Variants in PIAS4 observed in about 807,000 individuals in gnomAD.
PIAS4 encodes E3 SUMO-protein ligase PIAS4.
In PIAS4, 7 loss-of-function variants were observed where a neutral mutation model predicts 58.0. That is an observed-to-expected ratio of 0.12 (90% CI 0.07 to 0.23). The LOEUF is 0.23. Among genes scored for constraint, PIAS4 ranks in the 10% least tolerant of loss-of-function variants. The pLI is 1.00. For missense variants in PIAS4, 550 were observed against 709.5 expected, an observed-to-expected ratio of 0.78 and a Z score of 2.55; for synonymous variants, 364 against 312.4, an observed-to-expected ratio of 1.17 and a Z score of -1.74.
Position 4,021,374 on chromosome 19 carries a change from T to C in PIAS4, c.455-2662T>C, listed in dbSNP as rs111739855. Among the ~76,000 whole-genome samples, 622 of 152,222 alleles carry C rather than the reference T, an allele frequency of 4.1e-3. 6 individuals are homozygous for C. The highest frequency in any genetic ancestry group is 0.016 in the East Asian group (82 of 5,168). On this transcript the variant is annotated intron_variant, in intron 2 of 10. Transcript: ENST00000262971. ...ATTGTCCAGGCTGGTCTTGAACTCC[T>C]GACCTCAAGTGATCCACCTGCCTCG...
chr19:4,015,122 C>T (rs1475113272), intron 2 of PIAS4, among the ~76,000 whole-genome samples: 1 of 152,202 alleles, frequency 6.6e-6, no homozygotes, highest in African/African-American at 2.4e-5. Flanking sequence ...GCCTGAGTTC[C>T]ATCGGACTGA....
intron 1 of PIAS4, among the ~76,000 whole-genome samples, chr19:4,009,517 C>T (rs924541302): frequency 6.6e-6 from 1 of 152,062 alleles, no homozygotes; most frequent in Non-Finnish European, 1.5e-5. Flanking sequence ...ACCATCCAGG[C>T]CTTGAAATAT....
intron 7 of PIAS4, among the ~76,000 whole-genome samples, chr19:4,032,124 C>A (rs533490934): frequency 4.0e-5 from 6 of 151,760 alleles, no homozygotes; most frequent in African/African-American, 1.5e-4. Context: ...GGCTCCCAAG[C>A]GGGCAGAGAT....
At chr19:4,026,128 T>C (rs1468606324) in intron 3 of PIAS4, among the ~76,000 whole-genome samples, 1 of 148,996 alleles carries the variant, frequency 6.7e-6, no homozygotes, top group Admixed American at 6.6e-5. Flanking sequence ...TCTGGACATT[T>C]CTTTTTCTTT....
Position 4,037,727 on chromosome 19 carries a change from G to A in PIAS4, c.1385G>A (p.Gly462Asp). The change falls in exon 11 of 11, where the codon GGC (glycine) becomes GAC (aspartate). Residue 462 changes from glycine to aspartate, a missense_variant. By Grantham distance (94) the Gly-to-Asp change is moderately conservative. This residue lies in a region of PIAS4 where 188 missense variants were observed against 192.0 expected (regional missense o/e 0.98). Transcript: ENST00000262971. This position sits in a 1 kb window ranked among gnomAD's most constrained non-coding sequence, Gnocchi z 5.8. ...GGCAGCATGGAGAATGGGAAGCCGG[G>A]CGCCGATGTGGTGGACCTCACGCTG... ...PVGSMENGKP[G>D]ADVVDLTLDS... 6.2e-7 allele frequency: 1 copy of A among 1,611,444 alleles called. No homozygotes were observed. The highest frequency in any genetic ancestry group is 8.5e-7 in the Non-Finnish European group (1 of 1,179,382).
At chr19:4,029,929 TCTTCTGC>T (rs2040206779) in intron 7 of PIAS4, among the ~76,000 whole-genome samples, 1 of 150,970 alleles carries the variant, frequency 6.6e-6, no homozygotes, top group Non-Finnish European at 1.5e-5. Flanking sequence ...TTCAAGCGAT[TCTTCTGC>T]CTCAGCCTCC....
Position 4,011,492 on chromosome 19 carries a change from C to T in PIAS4, c.28-1431C>T, listed in dbSNP as rs1261529862. On this transcript the variant is annotated intron_variant, in intron 1 of 10. Transcript: ENST00000262971. The stretch of plus-strand genomic sequence containing the variant: ...GGGCTCTGCTGTTTGGTTTTTATTT[C>T]GCTGGAGAGGCCCGGCCAGGCGATG... 2.6e-5 allele frequency among the ~76,000 whole-genome samples: 4 copies of T among 152,270 alleles called. No homozygotes were observed. In the East Asian group the frequency reaches 7.7e-4, roughly 29 times the overall value.
intron 7 of PIAS4, among the ~76,000 whole-genome samples, chr19:4,030,041 C>G (rs1433453852): frequency 6.6e-6 from 1 of 151,782 alleles, no homozygotes; most frequent in African/African-American, 2.4e-5. Flanking sequence ...CCAGGATGGT[C>G]TTAAGCTCCT....
intron 2 of PIAS4, among the ~76,000 whole-genome samples, chr19:4,021,988 A>G (rs903693166): frequency 2.6e-4 from 40 of 151,764 alleles, no homozygotes; most frequent in African/African-American, 9.0e-4. Flanking sequence ...GGCTCAAGCA[A>G]TCCACCCACC....
At chr19:4,020,056 A>G (rs2040093917) in intron 2 of PIAS4, among the ~76,000 whole-genome samples, 1 of 151,772 alleles carries the variant, frequency 6.6e-6, no homozygotes, top group Non-Finnish European at 1.5e-5. Context: ...AGCTGGGACC[A>G]CAGGCGCCTG....
At chr19:4,028,646 G>T (rs369260179) in intron 5 of PIAS4, 46 bp downstream of exon 5, 1 of 1,606,832 alleles carries the variant, frequency 6.2e-7, no homozygotes, top group Non-Finnish European at 8.5e-7. Flanking sequence ...TTTGGGGGGC[G>T]TGGAGGGAGG....
At chr19:4,034,128 C>T (rs1639009278) in intron 9 of PIAS4, among the ~76,000 whole-genome samples, 1 of 152,260 alleles carries the variant, frequency 6.6e-6, no homozygotes, top group African/African-American at 2.4e-5. Flanking sequence ...TTTCCAGAAA[C>T]TGAGCCCCGT....
chr19:4,011,602 G>C (rs906281557), intron 1 of PIAS4, among the ~76,000 whole-genome samples: 1 of 152,238 alleles, frequency 6.6e-6, no homozygotes, highest in Non-Finnish European at 1.5e-5. Context: ...CCCTTGGACC[G>C]GTCCCCCAGG....
At chr19:4,029,839 T>G (rs1208308931) in intron 7 of PIAS4, among the ~76,000 whole-genome samples, 2 of 63,046 alleles carry the variant, frequency 3.2e-5, no homozygotes, top group African/African-American at 5.0e-5. Flanking sequence ...TTTTTTTTTT[T>G]TGAGACAGAG....
chr19:4,027,855 G>T (rs374710540), intron 3 of PIAS4, among the ~76,000 whole-genome samples: 18 of 152,064 alleles, frequency 1.2e-4, no homozygotes, highest in African/African-American at 4.4e-4. Context: ...CTAGATTCCC[G>T]CATGCACGTT....
intron 1 of PIAS4, among the ~76,000 whole-genome samples, chr19:4,011,169 G>A (rs535619588): frequency 3.9e-5 from 6 of 152,312 alleles, no homozygotes; most frequent in South Asian, 4.1e-4. Context: ...AGGGTCTTTC[G>A]AGTGGAGTTT....
chr19:4,028,807 G>A lies in PIAS4; in HGVS notation c.760G>A (p.Ala254Thr), dbSNP rs200365509. Residue 254 changes from alanine (A) to threonine (T), a missense_variant, in exon 6 of 11, where the codon GCC becomes ACC. Physicochemically the swap from Ala to Thr is moderately conservative, Grantham distance 58. Transcript: ENST00000262971. ...NLTHLMYLSSATNRITVTWGN... is the reference protein window; with the variant it reads ...NLTHLMYLSSTTNRITVTWGN... ...CACCCACCTCATGTACCTGTCCTCGGCCACCAACCGCATCACTGTCACCTG... is the reference window on the plus strand; with the variant it reads ...CACCCACCTCATGTACCTGTCCTCGACCACCAACCGCATCACTGTCACCTG... The A allele has an allele frequency of 2.8e-4, 457 of 1,613,452 alleles. No homozygotes were observed. Among genetic ancestry groups the A allele is most frequent in the Non-Finnish European group, 3.7e-4 (438 of 1,179,944 alleles).
In PIAS4 at chr19:4,013,840, G is replaced by A. The variant is rs1299619108; in HGVS notation, c.454+491G>A. The stretch of plus-strand genomic sequence containing the variant: ...GGTGGCTCCCTCACCCTAGGGTAGC[G>A]AGTGTGCACCTCCAAGCTGGGAGCT... On this transcript the variant is annotated intron_variant, in intron 2 of 10. Transcript: ENST00000262971. The surrounding 1 kb of genome is among the most constrained non-coding windows in gnomAD (Gnocchi z 5.1). Among the ~76,000 whole-genome samples, 1 of 152,174 alleles carries A rather than the reference G, an allele frequency of 6.6e-6. No individual in the cohort carries two copies. Among genetic ancestry groups the A allele is most frequent in the South Asian group, 2.1e-4 (1 of 4,836 alleles).
chr19:4,027,103 C>T (rs1457947258), intron 3 of PIAS4, among the ~76,000 whole-genome samples: 4 of 152,096 alleles, frequency 2.6e-5, no homozygotes, highest in East Asian at 1.9e-4. Flanking sequence ...CCGCCCGCCT[C>T]GGCCTCCCAA....
Sources: allele counts gnomAD v4.1 joint callset (sites outside exome capture counted in the v4.1 genomes callset), GRCh38; gene constraint gnomAD v4.1.1; regional missense constraint gnomAD v4.1.1; non-coding constraint Gnocchi (gnomAD v3.1); transcripts MANE v1.5; gene names NCBI Gene and HGNC (gene_info 2026-07-23, HGNC 2026-07-21).